PLCD4: variants seen among roughly 807,000 people sequenced by gnomAD.
The protein encoded by PLCD4 is phospholipase C delta 4.
A neutral mutation model predicts 90.2 loss-of-function variants in PLCD4; 63 were observed. The ratio of observed to expected loss-of-function variants is 0.70; its 90% CI spans 0.57 to 0.86. The LOEUF (loss-of-function observed/expected upper bound fraction) is 0.86, where lower values mean the gene tolerates loss of function less well. Among genes scored for constraint, PLCD4 ranks in the 40% least tolerant of loss-of-function variants. The pLI is 0.00. For missense variants in PLCD4, 830 were observed against 956.3 expected, an observed-to-expected ratio of 0.87 and a Z score of 1.74; for synonymous variants, 294 against 356.5, an observed-to-expected ratio of 0.82 and a Z score of 1.97.
At chr2:218,622,562 A>C in intron 5 of PLCD4, 85 bp from the exon 6 acceptor site, 2 of 929,378 alleles carry the variant, frequency 2.2e-6, no homozygotes, top group Non-Finnish European at 3.1e-6. Flanking sequence ...GTACCCAGAA[A>C]AATTTAAAAA....
chr2:218,636,017 G>A, intron 14 of PLCD4, 86 bp downstream of exon 14: 1 of 1,578,766 alleles, frequency 6.3e-7, no homozygotes, highest in Non-Finnish European at 8.7e-7. Flanking sequence ...TATAGCATCT[G>A]TTATTGCATG....
At chr2:218,616,927 T>TATATAG (rs1553571947) in intron 3 of PLCD4, among the ~76,000 whole-genome samples, 8 of 13,762 alleles carry the variant, frequency 5.8e-4, no homozygotes, top group East Asian at 3.3e-3. Context: ...TATATATATA[T>TATATAG]AGAGAGAGAG....
At chr2:218,611,426 G>A (rs535746100) in intron 1 of PLCD4, among the ~76,000 whole-genome samples, 5 of 152,128 alleles carry the variant, frequency 3.3e-5, no homozygotes, top group Non-Finnish European at 7.4e-5. Flanking sequence ...GGACACAGGC[G>A]TAAGGGAAGG....
intron 6 of PLCD4, among the ~76,000 whole-genome samples, chr2:218,623,856 A>G (rs1259503395): frequency 6.6e-6 from 1 of 151,782 alleles, no homozygotes; most frequent in African/African-American, 2.4e-5. Flanking sequence ...CTAATTTTGT[A>G]TTTTTAGTAG....
At chr2:218,608,421 G>A (rs2106109864) in intron 1 of PLCD4, among the ~76,000 whole-genome samples, 1 of 152,290 alleles carries the variant, frequency 6.6e-6, no homozygotes, top group Middle Eastern at 3.4e-3. Context: ...ACAGTTTGTT[G>A]AGGGTTGCAA....
chr2:218,621,294 G>A (rs1431579323), intron 4 of PLCD4, among the ~76,000 whole-genome samples, 176 bp from the exon 5 acceptor site: 7 of 152,214 alleles, frequency 4.6e-5, no homozygotes, highest in African/African-American at 1.7e-4. Context: ...GCCATACAGT[G>A]ACAAGATAGA....
intron 1 of PLCD4, among the ~76,000 whole-genome samples, chr2:218,615,475 G>GT (rs1695535609): frequency 6.6e-6 from 1 of 152,166 alleles, no homozygotes; most frequent in Non-Finnish European, 1.5e-5. Flanking sequence ...TAGGAAGGGG[G>GT]TGCTGGGCGG....
At chr2:218,624,511 G>A (rs1216774125) in intron 6 of PLCD4, among the ~76,000 whole-genome samples, 1 of 152,072 alleles carries the variant, frequency 6.6e-6, no homozygotes. Context: ...CTGAGGCCAG[G>A]AGTTCGAGAC....
intron 1 of PLCD4, among the ~76,000 whole-genome samples, chr2:218,611,148 T>C (rs1695317448): frequency 6.6e-6 from 1 of 152,214 alleles, no homozygotes. Flanking sequence ...AGTCCAGCTC[T>C]GACCTTCTAT....
intron 10 of PLCD4, 177 bp from the exon 11 acceptor site, chr2:218,633,428 A>G: frequency 1.3e-6 from 1 of 763,582 alleles, no homozygotes; most frequent in Non-Finnish European, 2.3e-6. Context: ...CTGTTGTCAG[A>G]TTGTGGCCCA....
chr2:218,613,563 GTTTT>G (rs913300300), intron 1 of PLCD4, among the ~76,000 whole-genome samples: 1 of 152,054 alleles, frequency 6.6e-6, no homozygotes, highest in Non-Finnish European at 1.5e-5. Context: ...GGTCAAGAAT[GTTTT>G]TTTGTTTTTG....
intron 3 of PLCD4, among the ~76,000 whole-genome samples, chr2:218,618,089 AAAAC>A (rs61169386): frequency 0.25 from 37,242 of 151,098 alleles, 5,667 homozygotes; most frequent in Non-Finnish European, 0.34. Flanking sequence ...TCCATGTCAA[AAAAC>A]AAACAAACAA....
rs1344096865 is a variant in PLCD4, at chr2:218,628,151, T to G, written c.895T>G (p.Tyr299Asp). The change falls in exon 7 of 16, where the codon TAC becomes GAC. Residue 299 changes from tyrosine (Y) to aspartate (D), a missense_variant. Coordinates refer to ENST00000450993, the MANE Select transcript of PLCD4 (RefSeq NM_032726.4). Reference protein sequence around the residue: ...YQDMTQPLNHYFICSSHNTYL... With the variant: ...YQDMTQPLNHDFICSSHNTYL... ...GGATATGACTCAACCCCTGAACCACTACTTCATCTGCTCTTCTCATAACAC... is the reference window on the plus strand; with the variant it reads ...GGATATGACTCAACCCCTGAACCACGACTTCATCTGCTCTTCTCATAACAC... 1 of 1,613,926 alleles carries G rather than the reference T, an allele frequency of 6.2e-7. No individual in the cohort carries two copies. The highest frequency in any genetic ancestry group is 8.5e-7 in the Non-Finnish European group (1 of 1,179,904).
intron 6 of PLCD4, among the ~76,000 whole-genome samples, chr2:218,625,143 A>G (rs1160040750): frequency 6.7e-6 from 1 of 150,138 alleles, no homozygotes; most frequent in African/African-American, 2.5e-5. Context: ...GAAAGAAAGA[A>G]AGAAAAAAGA....
rs762458051 is a variant in PLCD4, at chr2:218,618,612, G to C, written c.215G>C (p.Gly72Ala). The change falls in exon 4 of 16, where the codon GGC (glycine) becomes GCC (alanine). Residue 72 changes from glycine (G) to alanine (A), a missense_variant. Coordinates refer to ENST00000450993, the MANE Select transcript of PLCD4 (RefSeq NM_032726.4). ...TCTGATGTGGAGACAATACGTAATG[G>C]CCATGATTCCGAGTTGCTGCGTAGC... ...SISDVETIRN[G>A]HDSELLRSLA... 1 of 1,614,046 alleles carries C rather than the reference G, an allele frequency of 6.2e-7. No homozygotes were observed. Among genetic ancestry groups the C allele is most frequent in the Non-Finnish European group, 8.5e-7 (1 of 1,179,900 alleles).
rs1029351748 is a variant in PLCD4, at chr2:218,627,178, G to A, written c.773-851G>A. 5.3e-5 allele frequency among the ~76,000 whole-genome samples: 8 copies of A among 151,754 alleles called. No homozygotes were observed. The East Asian group carries it at 1.4e-3, about 26-fold the overall frequency. ...CGGGAGCCTGAGGCAGGAGAATGGC[G>A]TGAAACCAGGAGGCGGAGCTTGCAG... On this transcript the variant is annotated intron_variant, in intron 6 of 15. Transcript: ENST00000450993.
chr2:218,627,223 T>C (rs1213092678), intron 6 of PLCD4, among the ~76,000 whole-genome samples: 1 of 151,676 alleles, frequency 6.6e-6, no homozygotes, highest in Non-Finnish European at 1.5e-5. Context: ...ATCCTGCCAC[T>C]GCACTCCAGC....
chr2:218,635,686 T>C (rs1449972809), intron 13 of PLCD4, 110 bp from the exon 14 acceptor site: 46 of 1,382,118 alleles, frequency 3.3e-5, no homozygotes, highest in Non-Finnish European at 4.1e-5. Flanking sequence ...ATATTACCCA[T>C]GGAGGATGTT....
At chr2:218,631,406 C>T (rs755745105) in intron 9 of PLCD4, among the ~76,000 whole-genome samples, 8 of 152,114 alleles carry the variant, frequency 5.3e-5, no homozygotes, top group Non-Finnish European at 1.0e-4. Flanking sequence ...TCACGTGATC[C>T]ACCCTCCTCA....
Sources: gnomAD v4.1 joint callset for allele counts (sites outside exome capture counted in the v4.1 genomes callset) on GRCh38, gnomAD v4.1.1 for gene constraint, MANE v1.5 for transcripts, NCBI Gene and HGNC (gene_info 2026-07-23, HGNC 2026-07-21) for gene names.